The following ANHX variants were observed in gnomAD, a reference collection of about 807,000 sequenced individuals.
ANHX encodes anomalous homeobox.
In ANHX, 20 loss-of-function variants were observed where a neutral mutation model predicts 38.9. That is an observed-to-expected ratio of 0.51 (90% CI 0.36 to 0.75). ANHX has a LOEUF of 0.75. Ranked by LOEUF, ANHX falls within the 30% of genes least tolerant of loss-of-function variation. The pLI is 0.00. For missense variants in ANHX, 475 were observed against 493.1 expected (o/e 0.96, Z 0.35); for synonymous variants, 185 against 203.1 (o/e 0.91, Z 0.76).
intron 3 of ANHX, among the ~76,000 whole-genome samples, chr12:133,231,006 T>C (rs1440166579): frequency 6.6e-6 from 1 of 152,204 alleles, no homozygotes; most frequent in Non-Finnish European, 1.5e-5. Flanking sequence ...GCGCCTGACA[T>C]GTAACTCATG....
chr12:133,222,647 G>A (rs1271088300), intron 7 of ANHX, among the ~76,000 whole-genome samples: 1 of 152,302 alleles, frequency 6.6e-6, no homozygotes, highest in East Asian at 1.9e-4. Context: ...TGGAAGGTCA[G>A]TATGATCAAA....
Position 133,234,266 on chromosome 12 carries a change from C to G in ANHX, c.91G>C (p.Asp31His). The G allele has an allele frequency of 6.5e-7, 1 of 1,536,162 alleles. No homozygotes were observed. Among genetic ancestry groups the G allele is most frequent in the Non-Finnish European group, 8.7e-7 (1 of 1,146,912 alleles). ...AGTTGGGCAAGGTCATCCTGGAAGT[C>G]CCGGCACAGTCTGCCCGCAAGGGTC... is the stretch of plus-strand genomic sequence containing the variant. ...LVTLAGRLCR[D>H]FQDDLAQLQP... Residue 31 changes from aspartate (D) to histidine (H), a missense_variant, in exon 2 of 10, where the codon GAC becomes CAC. Coordinates refer to ENST00000545940, the MANE Select transcript of ANHX (RefSeq NM_001372060.1).
At chr12:133,223,718 T>G (rs1957146139) in intron 7 of ANHX, among the ~76,000 whole-genome samples, 1 of 152,094 alleles carries the variant, frequency 6.6e-6, no homozygotes, top group Non-Finnish European at 1.5e-5. Flanking sequence ...AGTGCTGGGA[T>G]TACAGGCGTG....
intron 7 of ANHX, among the ~76,000 whole-genome samples, chr12:133,223,640 G>A (rs563178344): frequency 6.6e-6 from 1 of 151,846 alleles, no homozygotes; most frequent in African/African-American, 2.4e-5. Flanking sequence ...TACAGATGGG[G>A]TTTCATCATA....
chr12:133,230,284 G>A (rs1566409672), intron 3 of ANHX, among the ~76,000 whole-genome samples: 2 of 152,228 alleles, frequency 1.3e-5, no homozygotes, highest in Admixed American at 6.5e-5. Context: ...CAGCATGCCC[G>A]TGGGGGGCTA....
chr12:133,225,754 C>A lies in ANHX; in HGVS notation c.914G>T (p.Gly305Val), dbSNP rs1053710329. Residue 305 changes from glycine (G) to valine (V), a missense_variant, in exon 7 of 10, where the codon GGC becomes GTC. Physicochemically the swap from Gly to Val is moderately radical, Grantham distance 109. Coordinates refer to ENST00000545940, the MANE Select transcript of ANHX (RefSeq NM_001372060.1). ...DPATLPLFCP[G>V]PGLCPLAAGN... ...AGCAGCCAGAGGGCAGAGGCCAGGG[C>A]CAGGGCAGAAGAGGGGGAGGGTGGC... is the stretch of plus-strand genomic sequence containing the variant. Among the ~76,000 whole-genome samples, 8 of 152,282 alleles carry A rather than the reference C, an allele frequency of 5.3e-5. No homozygotes were observed. The highest frequency in any genetic ancestry group is 1.9e-4 in the African/African-American group (8 of 41,560).
At chr12:133,225,204 G>A (rs180881041) in intron 7 of ANHX, among the ~76,000 whole-genome samples, 2 of 152,186 alleles carry the variant, frequency 1.3e-5, no homozygotes, top group Admixed American at 6.5e-5. Flanking sequence ...AAGGAGCTCA[G>A]CCTTCTCTGC....
At position 133,227,071 on chromosome 12, in the gene ANHX, G is replaced by A. The variant is rs1957199768; in HGVS notation, c.583C>T (p.Leu195Phe). 7 of 1,535,972 alleles carry A rather than the reference G, an allele frequency of 4.6e-6. No homozygotes were observed. Among genetic ancestry groups the A allele is most frequent in the South Asian group, 1.2e-5 (1 of 84,062 alleles). The change falls in exon 5 of 10, where the codon CTT (leucine) becomes TTT (phenylalanine). Residue 195 changes from leucine to phenylalanine, a missense_variant. By Grantham distance (22) the Leu-to-Phe change is conservative. Coordinates refer to ENST00000545940, the MANE Select transcript of ANHX (RefSeq NM_001372060.1). ...FANYRRRQRA[L>F]PQHMKPAQQA... ...TGGGCTGGCTTCATGTGCTGGGGAA[G>A]GGCTCTTTGGCGGCGCCGGTAATTG...
At position 133,221,440 on chromosome 12, in the gene ANHX, CG is replaced by C. The variant is rs1256393555; in HGVS notation, c.1133-89del. Reference sequence around the variant, plus strand: ...CAACCAAGACCTCAAAGCACGGAGGCGGATGCAGCCTCCGGCCCAGCCAGCC... The same window carrying C: ...CAACCAAGACCTCAAAGCACGGAGGCGATGCAGCCTCCGGCCCAGCCAGCC... On this transcript the variant is annotated intron_variant, in intron 7 of 9. Transcript: ENST00000545940. This position sits in a 1 kb window ranked among gnomAD's most constrained non-coding sequence, Gnocchi z 4.1. 3 of 1,420,574 alleles carry C rather than the reference CG, an allele frequency of 2.1e-6. No individual in the cohort carries two copies. The highest frequency in any genetic ancestry group is 2.8e-6 in the Non-Finnish European group (3 of 1,075,416). The allele number at this position is 1,420,574 out of a possible 1,614,324, so 88.0% of individuals were successfully genotyped here. A position where few individuals can be genotyped will look rare whatever the true frequency, so the allele number is the denominator to read the frequency against.
intron 3 of ANHX, among the ~76,000 whole-genome samples, chr12:133,229,941 G>T (rs1201986775): frequency 1.3e-5 from 2 of 152,034 alleles, no homozygotes; most frequent in African/African-American, 4.8e-5. Context: ...TGAATGTGCT[G>T]CCCCTTCCCA....
chr12:133,227,760 C>A, intron 4 of ANHX, 64 bp downstream of exon 4: 22 of 1,522,588 alleles, frequency 1.4e-5, no homozygotes, highest in Non-Finnish European at 1.9e-5. Context: ...GTGGGGGTAC[C>A]CCTTGGGGGA....
At chr12:133,224,382 C>T (rs1202478935) in intron 7 of ANHX, among the ~76,000 whole-genome samples, 1 of 152,178 alleles carries the variant, frequency 6.6e-6, no homozygotes, top group Admixed American at 6.5e-5. Context: ...GTAAATTTGG[C>T]TGGGCATGGT....
Position 133,227,068 on chromosome 12 carries a change from G to A in ANHX, c.586C>T (p.Pro196Ser), listed in dbSNP as rs775242114. Residue 196 changes from proline (P) to serine (S), a missense_variant, in exon 5 of 10, where the codon CCC becomes TCC. By Grantham distance (74) the Pro-to-Ser change is moderately conservative (BLOSUM62 -1). Transcript: ENST00000545940. ...ANYRRRQRAL[P>S]QHMKPAQQAT... ...TGCTGGGCTGGCTTCATGTGCTGGG[G>A]AAGGGCTCTTTGGCGGCGCCGGTAA... 1.3e-6 allele frequency: 2 copies of A among 1,536,088 alleles called. No individual in the cohort carries two copies. Among genetic ancestry groups the A allele is most frequent in the South Asian group, 2.4e-5 (2 of 84,060 alleles).
At chr12:133,230,137 A>T (rs1419800262) in intron 3 of ANHX, among the ~76,000 whole-genome samples, 2 of 152,168 alleles carry the variant, frequency 1.3e-5, no homozygotes. Context: ...TTGTCTGTTG[A>T]CTATTGTCCA....
chr12:133,226,566 T>C (rs940747887), intron 5 of ANHX, 128 bp from the exon 6 acceptor site: 99 of 1,317,720 alleles, frequency 7.5e-5, no homozygotes, highest in Non-Finnish European at 9.4e-5. Context: ...TGTTTTTGCT[T>C]CTTGTCCTGT....
Position 133,227,796 on chromosome 12 carries a change from C to T in ANHX, c.501+28G>A, listed in dbSNP as rs1054692451. ...CAGGGAGGCACCAGGCAGGGACCCC[C>T]TGGGTCCTGGGTATCTTCTATTCTT... On this transcript the variant is annotated intron_variant, in intron 4 of 9. Coordinates refer to ENST00000545940, the MANE Select transcript of ANHX (RefSeq NM_001372060.1). 3 of 1,534,928 alleles carry T rather than the reference C, an allele frequency of 2.0e-6. No individual in the cohort carries two copies. The South Asian group carries it at 3.6e-5, about 18-fold the overall frequency.
At chr12:133,220,284 C>G (rs1957091247) in intron 8 of ANHX, among the ~76,000 whole-genome samples, 1 of 152,082 alleles carries the variant, frequency 6.6e-6, no homozygotes, top group African/African-American at 2.4e-5. Context: ...CAGATCGGAA[C>G]AGGGAGGCAT....
intron 4 of ANHX, 40 bp downstream of exon 4, chr12:133,227,784 G>A (rs2135565192): frequency 1.3e-6 from 2 of 1,533,710 alleles, no homozygotes; most frequent in East Asian, 4.9e-5. Context: ...GGAGGCACCA[G>A]GCAGGGACCC....
rs1433073278 is a variant in ANHX at position 133,235,752 on chromosome 12, CCT to C, written c.-23+53_-23+54del. The C allele has an allele frequency of 1.3e-3, 186 of 143,244 alleles. 1 individual carries two copies. The highest frequency in any genetic ancestry group is 4.8e-3 in the African/African-American group (181 of 37,336). The allele number at this position is 143,244 out of a possible 1,614,324, so 8.9% of individuals were successfully genotyped here. ...CGCGCCCCTCACATTCCAGGCCCCC[CCT>C]GCCCCCGCGCGTCCCTCATCCTCCC... On this transcript the variant is annotated intron_variant, in intron 1 of 9. Transcript: ENST00000545940.
Sources: gnomAD v4.1 joint callset for allele counts (sites outside exome capture counted in the v4.1 genomes callset) on GRCh38, gnomAD v4.1.1 for gene constraint, Gnocchi (gnomAD v3.1) non-coding constraint, MANE v1.5 for transcripts, NCBI Gene and HGNC (gene_info 2026-07-23, HGNC 2026-07-21) for gene names.